The following JARID2 variants were observed in gnomAD, a reference collection of about 807,000 sequenced individuals.
JARID2 encodes jumonji and AT-rich interaction domain containing 2.
A neutral mutation model predicts 125.6 loss-of-function variants in JARID2; 21 were observed. The ratio of observed to expected loss-of-function variants is 0.17; its 90% CI spans 0.12 to 0.24. JARID2 has a LOEUF of 0.24. Among genes scored for constraint, JARID2 ranks in the 10% least tolerant of loss-of-function variants. The pLI is 1.00. For missense variants in JARID2, 1,303 were observed against 1,639.6 expected, an observed-to-expected ratio of 0.79 and a Z score of 3.55; for synonymous variants, 736 against 661.6, an observed-to-expected ratio of 1.11 and a Z score of -1.73.
intron 1 of JARID2, among the ~76,000 whole-genome samples, chr6:15,345,723 A>G (rs924933488): frequency 6.6e-6 from 1 of 152,090 alleles, no homozygotes; most frequent in African/African-American, 2.4e-5. Flanking sequence ...TTAGATGGAA[A>G]TTTTCTGAGA....
rs908551852 is a variant in JARID2, at chr6:15,335,146, C to G, written c.46-38971C>G. Reference sequence around the variant, plus strand: ...AGACAGTCTTGCTCCTTCACCCAGGCTGGAGTACAGTGGCTTGATTTCGGC... The same window carrying G: ...AGACAGTCTTGCTCCTTCACCCAGGGTGGAGTACAGTGGCTTGATTTCGGC... On this transcript the variant is annotated intron_variant, in intron 1 of 17. Coordinates refer to ENST00000341776, the MANE Select transcript of JARID2 (RefSeq NM_004973.4). Among the ~76,000 whole-genome samples, 6 of 152,036 alleles carry G rather than the reference C, an allele frequency of 3.9e-5. No individual in the cohort carries two copies. The East Asian group carries it at 1.2e-3, about 29-fold the overall frequency.
chr6:15,311,239 A>G (rs1411841582), intron 1 of JARID2, among the ~76,000 whole-genome samples: 2 of 152,124 alleles, frequency 1.3e-5, no homozygotes, highest in East Asian at 1.9e-4. Context: ...ACCTTGTACC[A>G]GTCTTGGGCA....
intron 1 of JARID2, among the ~76,000 whole-genome samples, chr6:15,325,956 A>C (rs1053834227): frequency 2.0e-5 from 3 of 152,234 alleles, no homozygotes; most frequent in African/African-American, 7.2e-5. Flanking sequence ...TTCAATGTGT[A>C]AAATACAATT....
In JARID2 at chr6:15,446,426, G is replaced by A. The variant is rs73724410; in HGVS notation, c.324-5580G>A. Among the ~76,000 whole-genome samples, 921 of 152,316 alleles carry A rather than the reference G, an allele frequency of 6.0e-3. 8 individuals carry two copies. The highest frequency in any genetic ancestry group is 0.021 in the African/African-American group (887 of 41,572). ...TGCAGAGGCTTCTGTGCGGGAAGTGGCCTCTATTACAGAGTAACAGGCCTG... is the reference window on the plus strand; with the variant it reads ...TGCAGAGGCTTCTGTGCGGGAAGTGACCTCTATTACAGAGTAACAGGCCTG... On this transcript the variant is annotated intron_variant, in intron 3 of 17. Transcript: ENST00000341776.
rs530615892 is a variant in JARID2, at chr6:15,451,259, G to C, written c.324-747G>C. Among the ~76,000 whole-genome samples the C allele has an allele frequency of 2.6e-5, 4 of 152,354 alleles. No homozygotes were observed. The South Asian group carries it at 8.3e-4, about 32-fold the overall frequency. ...GAAAGGAATTGAAATGTACTCTGTA[G>C]TTAACAAATGGTAAGTTAGGGAGTT... On this transcript the variant is annotated intron_variant, in intron 3 of 17. Transcript: ENST00000341776.
chr6:15,460,897 G>A (rs1285894989), intron 4 of JARID2, among the ~76,000 whole-genome samples: 1 of 152,148 alleles, frequency 6.6e-6, no homozygotes, highest in African/African-American at 2.4e-5. Context: ...TAGAGACGGG[G>A]TTTCACCATG....
intron 3 of JARID2, among the ~76,000 whole-genome samples, chr6:15,445,617 G>A (rs1767639926): frequency 6.6e-6 from 1 of 152,202 alleles, no homozygotes; most frequent in African/African-American, 2.4e-5. Context: ...TGATGTATGT[G>A]GTGGTCTTGT....
At position 15,469,270 on chromosome 6, in the gene JARID2, CTCTCTGTCTCTCTGTCTCTGTCTCTCTG is replaced by C. The variant is rs751705556; in HGVS notation, c.670+566_670+593del. Among the ~76,000 whole-genome samples the C allele has an allele frequency of 4.4e-5, 5 of 112,642 alleles. No individual in the cohort carries two copies. In the East Asian group the frequency reaches 1.0e-3, roughly 23 times the overall value. The allele number at this position is 112,642 out of a possible 152,430, so 73.9% of individuals were successfully genotyped here. A position where few individuals can be genotyped will look rare whatever the true frequency, so the allele number is the denominator to read the frequency against. On this transcript the variant is annotated intron_variant, in intron 5 of 17. Transcript: ENST00000341776. Reference sequence around the variant, plus strand: ...GTGCCTAGTGGTCTTTTCTCTCTGTCTCTCTGTCTCTCTGTCTCTGTCTCTCTGTCTCTGTCTCTCTCTCTCTGTCTCT... The same window carrying C: ...GTGCCTAGTGGTCTTTTCTCTCTGTCTCTCTGTCTCTCTCTCTCTGTCTCT...
chr6:15,333,253 T>C (rs964815699), intron 1 of JARID2, among the ~76,000 whole-genome samples: 39 of 152,168 alleles, frequency 2.6e-4, no homozygotes, highest in African/African-American at 8.9e-4. Context: ...TTAAAGTATA[T>C]ACAACTCGGT....
chr6:15,375,353 G>A (rs954424115), intron 2 of JARID2, among the ~76,000 whole-genome samples: 4 of 152,122 alleles, frequency 2.6e-5, no homozygotes, highest in East Asian at 1.9e-4. Flanking sequence ...CCACCCTCCC[G>A]GGTTTTCTTT....
chr6:15,403,115 G>A (rs929227987), intron 2 of JARID2, among the ~76,000 whole-genome samples: 4 of 152,178 alleles, frequency 2.6e-5, no homozygotes, highest in African/African-American at 9.7e-5. Context: ...TTGCCCCAAA[G>A]AAGTAACAGG....
Position 15,520,101 on chromosome 6 carries a change from C to T in JARID2, c.3591C>T (p.Cys1197=), listed in dbSNP as rs377234024. The T allele has an allele frequency of 1.3e-4, 208 of 1,613,338 alleles. 1 individual carries two copies. The highest frequency in any genetic ancestry group is 2.2e-4 in the Admixed American group (13 of 59,920). The change falls in exon 18 of 18, where the codon TGC becomes TGT. Residue 1197 remains cysteine, a synonymous_variant. Coordinates refer to ENST00000341776, the MANE Select transcript of JARID2 (RefSeq NM_004973.4). The stretch of plus-strand genomic sequence containing the variant: ...TTATCAGTCTGGTCAATCAGATCTG[C>T]GGCAAAGTGTCTGGTAAAAACGGCA... ...EQIISLVNQI[C]GKVSGKNGSI... is the part of the protein sequence containing the mutation.
At chr6:15,304,448 G>C (rs2127416790) in intron 1 of JARID2, among the ~76,000 whole-genome samples, 1 of 152,086 alleles carries the variant, frequency 6.6e-6, no homozygotes, top group Non-Finnish European at 1.5e-5. Flanking sequence ...ACCTCTCCCA[G>C]TCCGTCCAAG....
intron 3 of JARID2, among the ~76,000 whole-genome samples, chr6:15,442,696 G>A (rs1002522903): frequency 2.0e-5 from 3 of 152,158 alleles, no homozygotes; most frequent in Non-Finnish European, 4.4e-5. Context: ...GAACAAAAGG[G>A]CTTTGTTGCC....
At chr6:15,418,680 G>A (rs780281352) in intron 3 of JARID2, among the ~76,000 whole-genome samples, 2 of 151,868 alleles carry the variant, frequency 1.3e-5, no homozygotes, top group Admixed American at 6.5e-5. Context: ...TTAGGCTTTC[G>A]ATCCAATAGG....
intron 5 of JARID2, among the ~76,000 whole-genome samples, chr6:15,473,519 C>T (rs1258015633): frequency 1.3e-4 from 4 of 30,652 alleles, no homozygotes; most frequent in Non-Finnish European, 3.1e-4. Context: ...TGCGTGCCCC[C>T]CCCCCCCCCC....
chr6:15,404,238 A>T (rs891813156), intron 2 of JARID2, among the ~76,000 whole-genome samples: 26 of 152,170 alleles, frequency 1.7e-4, no homozygotes, highest in African/African-American at 5.8e-4. Flanking sequence ...TCTGTGCTCC[A>T]TTGGAAGCTT....
At chr6:15,302,955 C>T (rs1761686407) in intron 1 of JARID2, among the ~76,000 whole-genome samples, 1 of 152,010 alleles carries the variant, frequency 6.6e-6, no homozygotes, top group Non-Finnish European at 1.5e-5. Flanking sequence ...AACTCCTGAC[C>T]TCAGGTGATC....
At chr6:15,509,081 T>A (rs1057094342) in intron 12 of JARID2, 1 of 1,289,364 alleles carries the variant, frequency 7.8e-7, no homozygotes, top group African/African-American at 1.5e-5. Context: ...TGGAGTCTGT[T>A]GCCTGGCGAG....
Sources: allele counts gnomAD v4.1 joint callset (sites outside exome capture counted in the v4.1 genomes callset), GRCh38; gene constraint gnomAD v4.1.1; transcripts MANE v1.5; gene names NCBI Gene and HGNC (gene_info 2026-07-23, HGNC 2026-07-21).